The following UNC5C variants were observed in gnomAD, a reference collection of about 807,000 sequenced individuals.
UNC5C encodes unc-5 netrin receptor C.
UNC5C carries 47 observed loss-of-function variants against 99.8 expected under a neutral mutation model. The ratio of observed to expected loss-of-function variants is 0.47; its 90% CI spans 0.37 to 0.60. UNC5C has a LOEUF of 0.60. UNC5C is among the 20% of genes least tolerant of loss of function. UNC5C has a pLI of 0.00. For synonymous variants in UNC5C, 487 were observed against 452.2 expected (o/e 1.08, Z -0.98); for missense variants, 1,062 against 1,165.9 (o/e 0.91, Z 1.30).
At chr4:95,373,657 G>A (rs1744809835) in intron 1 of UNC5C, among the ~76,000 whole-genome samples, 1 of 152,132 alleles carries the variant, frequency 6.6e-6, no homozygotes, top group Non-Finnish European at 1.5e-5. Flanking sequence ...ACTGGCACAA[G>A]GTAGACACTC....
chr4:95,433,924 A>G (rs1486170527), intron 1 of UNC5C, among the ~76,000 whole-genome samples: 1 of 152,016 alleles, frequency 6.6e-6, no homozygotes, highest in Non-Finnish European at 1.5e-5. Context: ...CCTGTGCACA[A>G]GTTAATCCTT....
intron 1 of UNC5C, among the ~76,000 whole-genome samples, chr4:95,342,536 T>G (rs372424698): frequency 9.9e-4 from 150 of 152,116 alleles, no homozygotes; most frequent in African/African-American, 3.1e-3. Flanking sequence ...GCTGTGGTTC[T>G]GGGGTGAGAC....
chr4:95,318,201 A>T (rs1742553101), intron 2 of UNC5C, among the ~76,000 whole-genome samples: 1 of 152,104 alleles, frequency 6.6e-6, no homozygotes, highest in African/African-American at 2.4e-5. Flanking sequence ...ATCCAATGAC[A>T]AGAGTCCTTG....
In UNC5C at chr4:95,548,791, G is replaced by A. The variant is rs1181389104; in HGVS notation, c.67C>T (p.Leu23Phe). 4 of 1,613,400 alleles carry A rather than the reference G, an allele frequency of 2.5e-6. No homozygotes were observed. Among genetic ancestry groups the A allele is most frequent in the African/African-American group, 1.3e-5 (1 of 74,892 alleles). The part of the protein sequence containing the change: ...GLGLGYLLQM[L>F]VLPALALLSA... The stretch of plus-strand genomic sequence containing the variant: ...AGCAGGGCCAGGGCAGGTAGCACGA[G>A]CATTTGCAGCAAGTATCCCAGTCCC... The change falls in exon 1 of 16, where the codon CTC becomes TTC. Residue 23 changes from leucine (L) to phenylalanine (F), a missense_variant. This residue lies in a region of UNC5C where 249 missense variants were observed against 295.1 expected (regional missense o/e 0.84). Coordinates refer to ENST00000453304, the MANE Select transcript of UNC5C (RefSeq NM_003728.4).
chr4:95,439,343 C>G (rs965021456), intron 1 of UNC5C, among the ~76,000 whole-genome samples: 1 of 150,834 alleles, frequency 6.6e-6, no homozygotes, highest in African/African-American at 2.4e-5. Flanking sequence ...GAGGAAAAAT[C>G]TGAATCATTT....
intron 7 of UNC5C, among the ~76,000 whole-genome samples, chr4:95,232,447 G>A (rs1257327125): frequency 1.3e-5 from 2 of 152,066 alleles, no homozygotes; most frequent in Admixed American, 6.6e-5. Flanking sequence ...TGATGTATAA[G>A]GTGACTGACT....
intron 2 of UNC5C, among the ~76,000 whole-genome samples, chr4:95,334,019 T>C (rs991483800): frequency 1.3e-5 from 2 of 152,006 alleles, no homozygotes; most frequent in Non-Finnish European, 1.5e-5. Flanking sequence ...CCCAGTTATA[T>C]CTGCAGTCAT....
At chr4:95,224,658 AC>A (rs1738608477) in intron 7 of UNC5C, among the ~76,000 whole-genome samples, 1 of 152,016 alleles carries the variant, frequency 6.6e-6, no homozygotes. Context: ...ATACTCTTGA[AC>A]CTTATTATAT....
intron 1 of UNC5C, among the ~76,000 whole-genome samples, chr4:95,503,636 C>A (rs1721835975): frequency 6.6e-6 from 1 of 152,066 alleles, no homozygotes; most frequent in African/African-American, 2.4e-5. Context: ...ATAAAATAAA[C>A]CCTTTAGCAA....
intron 12 of UNC5C, among the ~76,000 whole-genome samples, chr4:95,190,164 A>G (rs1317729988): frequency 6.6e-6 from 1 of 152,234 alleles, no homozygotes; most frequent in Non-Finnish European, 1.5e-5. Context: ...GCAGCCATAA[A>G]AAATGATGAG....
intron 1 of UNC5C, among the ~76,000 whole-genome samples, chr4:95,471,836 T>C (rs1039367032): frequency 6.6e-6 from 1 of 152,112 alleles, no homozygotes. Flanking sequence ...TGTCTTTTTT[T>C]TTTTAAGTCT....
chr4:95,183,500 T>C (rs1211091574), intron 13 of UNC5C, among the ~76,000 whole-genome samples: 1 of 152,186 alleles, frequency 6.6e-6, no homozygotes, highest in Non-Finnish European at 1.5e-5. Context: ...GTCTAAAGGA[T>C]ACTGCACTGA....
intron 12 of UNC5C, among the ~76,000 whole-genome samples, chr4:95,197,749 T>TATA (rs932689857): frequency 6.6e-6 from 1 of 151,910 alleles, no homozygotes; most frequent in African/African-American, 2.4e-5. Flanking sequence ...ATCTTGAGAG[T>TATA]ATAATAGACC....
At chr4:95,191,873 C>T (rs1490713166) in intron 12 of UNC5C, among the ~76,000 whole-genome samples, 1 of 138,940 alleles carries the variant, frequency 7.2e-6, no homozygotes, top group Admixed American at 7.1e-5. Flanking sequence ...CACCTCCTCC[C>T]CACTCACCCT....
chr4:95,381,227 A>G (rs1745061195), intron 1 of UNC5C, among the ~76,000 whole-genome samples: 1 of 152,204 alleles, frequency 6.6e-6, no homozygotes, highest in Non-Finnish European at 1.5e-5. Flanking sequence ...ACTCATCATC[A>G]CTGAACATCA....
chr4:95,355,987 T>A (rs1744169046), intron 1 of UNC5C, among the ~76,000 whole-genome samples: 1 of 151,892 alleles, frequency 6.6e-6, no homozygotes, highest in Non-Finnish European at 1.5e-5. Flanking sequence ...TCCAGGAATT[T>A]GAGACCAGCA....
At chr4:95,497,640 C>A (rs1047020549) in intron 1 of UNC5C, among the ~76,000 whole-genome samples, 1 of 151,884 alleles carries the variant, frequency 6.6e-6, no homozygotes, top group Non-Finnish European at 1.5e-5. Context: ...CTACAAAATG[C>A]ACACAGATAA....
At position 95,170,267 on chromosome 4, in the gene UNC5C, G is replaced by A. The variant is rs1420602544; in HGVS notation, c.2517C>T (p.Pro839=). The change falls in exon 15 of 16, where the codon CCC becomes CCT. Residue 839 remains proline (P), a synonymous_variant. Transcript: ENST00000453304. ...TAGGGAGAGGGATGCTGAAAGCACT[G>A]GGCCCCGTGACCGTGGTGATGGTGT... ...PANTITTVTG[P]SAFSIPLPIR... is the part of the protein sequence containing the mutation. 1 of 1,614,016 alleles carries A rather than the reference G, an allele frequency of 6.2e-7. No homozygotes were observed. Among genetic ancestry groups the A allele is most frequent in the African/African-American group, 1.3e-5 (1 of 74,906 alleles).
rs576493953 is a variant in UNC5C at position 95,186,160 on chromosome 4, T to C, written c.2137-964A>G. Among the ~76,000 whole-genome samples, 7 of 152,334 alleles carry C rather than the reference T, an allele frequency of 4.6e-5. No individual in the cohort carries two copies. The East Asian group carries it at 9.6e-4, about 21-fold the overall frequency. Reference sequence around the variant, plus strand: ...ATCCCTATGCACGTTACTCCTCTCATGCCTTAAAAGTTTTAATGGTACAAA... The same window carrying C: ...ATCCCTATGCACGTTACTCCTCTCACGCCTTAAAAGTTTTAATGGTACAAA... On this transcript the variant is annotated intron_variant, in intron 12 of 15. Coordinates refer to ENST00000453304, the MANE Select transcript of UNC5C (RefSeq NM_003728.4).
Sources: allele counts gnomAD v4.1 joint callset (sites outside exome capture counted in the v4.1 genomes callset), GRCh38; gene constraint gnomAD v4.1.1; regional missense constraint gnomAD v4.1.1; transcripts MANE v1.5; gene names NCBI Gene and HGNC (gene_info 2026-07-23, HGNC 2026-07-21).